IFT80: variants seen among roughly 807,000 people sequenced by gnomAD.
IFT80 encodes the protein intraflagellar transport protein 80 homolog.
IFT80 carries 79 observed loss-of-function variants against 107.9 expected under a neutral mutation model. The observed-to-expected ratio is 0.73, with a 90% CI of 0.61 to 0.88. IFT80 has a LOEUF of 0.88. IFT80 is among the 40% of genes least tolerant of loss of function. IFT80 has a pLI of 0.00. For synonymous variants in IFT80, 299 were observed against 300.9 expected (o/e 0.99, Z 0.07); for missense variants, 797 against 914.2 (o/e 0.87, Z 1.65).
At position 160,319,805 on chromosome 3, in the gene IFT80, C is replaced by T. The variant is rs199575501; in HGVS notation, c.912G>A (p.Glu304=). ...TTAATGTTACTTGAAAATTTTTCCACTCCCAATGTTGTTCCACCACATGTG... is the reference window on the plus strand; with the variant it reads ...TTAATGTTACTTGAAAATTTTTCCATTCCCAATGTTGTTCCACCACATGTG... ...VFAHVVEQHW[E]WKNFQVTLTK... The change falls in exon 9 of 20, where the codon GAG becomes GAA. Residue 304 remains glutamate, a synonymous_variant. Transcript: ENST00000326448. The T allele has an allele frequency of 1.3e-4, 217 of 1,612,944 alleles. No individual in the cohort carries two copies. Among genetic ancestry groups the T allele is most frequent in the Non-Finnish European group, 3.0e-5 (35 of 1,179,280 alleles).
intron 18 of IFT80, 125 bp from the exon 19 acceptor site, chr3:160,268,661 AT>A: frequency 1.1e-6 from 1 of 919,146 alleles, no homozygotes; most frequent in Non-Finnish European, 1.7e-6. Flanking sequence ...ATGAAATACC[AT>A]TTTCTACCTC....
At chr3:160,316,521 A>C (rs772266762) in intron 9 of IFT80, among the ~76,000 whole-genome samples, 11 of 152,334 alleles carry the variant, frequency 7.2e-5, no homozygotes, top group Admixed American at 1.3e-4. Context: ...AGCAATAAGT[A>C]ACTAACACAG....
At chr3:160,319,014 A>G (rs1718014199) in intron 9 of IFT80, among the ~76,000 whole-genome samples, 1 of 152,102 alleles carries the variant, frequency 6.6e-6, no homozygotes, top group Non-Finnish European at 1.5e-5. Flanking sequence ...CCCCCAGCTT[A>G]TTACCACTAG....
intron 8 of IFT80, among the ~76,000 whole-genome samples, chr3:160,351,615 T>C (rs1471613000): frequency 6.8e-6 from 1 of 147,354 alleles, no homozygotes; most frequent in Non-Finnish European, 1.5e-5. Context: ...TTGTATATAT[T>C]ATATATATAG....
At chr3:160,395,725 A>C (rs1164952891) in intron 1 of IFT80, among the ~76,000 whole-genome samples, 1 of 152,222 alleles carries the variant, frequency 6.6e-6, no homozygotes, top group Admixed American at 6.5e-5. Flanking sequence ...AATACTGCCA[A>C]CACAATGGAG....
intron 8 of IFT80, among the ~76,000 whole-genome samples, chr3:160,323,108 G>C (rs1261296235): frequency 1.3e-5 from 2 of 149,500 alleles, no homozygotes; most frequent in Non-Finnish European, 3.0e-5. Context: ...TGAAGTCCTT[G>C]CCCATGCCTA....
At position 160,277,577 on chromosome 3, in the gene IFT80, T is replaced by G. The variant is rs1393405553; in HGVS notation, c.1926+4A>C. 1 of 1,608,328 alleles carries G rather than the reference T, an allele frequency of 6.2e-7. No homozygotes were observed. Among genetic ancestry groups the G allele is most frequent in the South Asian group, 1.1e-5 (1 of 90,936 alleles). ...GTACATATATGTAAACATTAATTAC[T>G]TACTTCACCAATTGCTGCATAGGCT... On this transcript the variant is annotated splice_donor_region_variant and intron_variant, in intron 17 of 19. Transcript: ENST00000326448.
intron 9 of IFT80, among the ~76,000 whole-genome samples, chr3:160,310,883 C>T (rs1717190952): frequency 6.6e-6 from 1 of 152,120 alleles, no homozygotes; most frequent in Admixed American, 6.6e-5. Context: ...TGCCTTTATT[C>T]CCAGCACTTT....
At chr3:160,282,046 G>A (rs2108233742) in intron 14 of IFT80, among the ~76,000 whole-genome samples, 1 of 152,366 alleles carries the variant, frequency 6.6e-6, no homozygotes, top group East Asian at 1.9e-4. Flanking sequence ...AAGAGACTGA[G>A]GCAGGTGGAT....
In IFT80 at chr3:160,277,659, C is replaced by G; in HGVS notation, c.1848G>C (p.Met616Ile). 4 of 1,612,886 alleles carry G rather than the reference C, an allele frequency of 2.5e-6. No individual in the cohort carries two copies. Among genetic ancestry groups the G allele is most frequent in the Non-Finnish European group, 3.4e-6 (4 of 1,179,158 alleles). ...CTGCCATAGCAGCTAGACAAGCCCACATGGTTTGCTCCTAAAGTAAAGTAT... is the reference window on the plus strand; with the variant it reads ...CTGCCATAGCAGCTAGACAAGCCCAGATGGTTTGCTCCTAAAGTAAAGTAT... ...RLCRFVKEQT[M>I]WACLAAMAVA... The change falls in exon 17 of 20, where the codon ATG becomes ATC. Residue 616 changes from methionine to isoleucine, a missense_variant. Physicochemically the swap from Met to Ile is conservative, Grantham distance 10. Coordinates refer to ENST00000326448, the MANE Select transcript of IFT80 (RefSeq NM_020800.3).
chr3:160,319,622 G>T, intron 9 of IFT80, 138 bp downstream of exon 9: 1 of 757,920 alleles, frequency 1.3e-6, no homozygotes, highest in Non-Finnish European at 2.1e-6. Flanking sequence ...GTGACTAATG[G>T]AATAGTTAAA....
At chr3:160,366,392 T>A (rs1261361663) in intron 5 of IFT80, among the ~76,000 whole-genome samples, 1 of 152,066 alleles carries the variant, frequency 6.6e-6, no homozygotes, top group Non-Finnish European at 1.5e-5. Context: ...CTAATTAGGA[T>A]CTTGCTGAGA....
chr3:160,364,240 A>T (rs1411613695), intron 6 of IFT80, among the ~76,000 whole-genome samples: 3 of 152,242 alleles, frequency 2.0e-5, no homozygotes, highest in African/African-American at 7.2e-5. Flanking sequence ...CAGCCAACAG[A>T]TACATGAAAA....
At position 160,319,763 on chromosome 3, in the gene IFT80, C is replaced by T. The variant is rs957922344; in HGVS notation, c.954G>A (p.Met318Ile). ...FQVTLTKRRA[M>I]QVRNVLNDAV... ...CAACCTTGGAACATAATAATACCTG[C>T]ATGGCTCTTCTTTTCGTTAATGTTA... Residue 318 changes from methionine to isoleucine, a missense_variant, in exon 9 of 20, where the codon ATG becomes ATA. Physicochemically the swap from Met to Ile is conservative, Grantham distance 10 (BLOSUM62 1). Coordinates refer to ENST00000326448, the MANE Select transcript of IFT80 (RefSeq NM_020800.3). 8 of 1,612,256 alleles carry T rather than the reference C, an allele frequency of 5.0e-6. No individual in the cohort carries two copies. The highest frequency in any genetic ancestry group is 2.2e-5 in the East Asian group (1 of 44,860).
At chr3:160,386,135 T>C (rs1351564797) in intron 1 of IFT80, among the ~76,000 whole-genome samples, 2 of 152,142 alleles carry the variant, frequency 1.3e-5, no homozygotes, top group Non-Finnish European at 2.9e-5. Flanking sequence ...CACTAACAAT[T>C]CAGAAACATC....
intron 8 of IFT80, among the ~76,000 whole-genome samples, chr3:160,323,039 A>G (rs1419607161): frequency 6.6e-6 from 1 of 151,810 alleles, no homozygotes; most frequent in African/African-American, 2.4e-5. Flanking sequence ...TCTTTAGTTT[A>G]ATTAGATCCC....
intron 11 of IFT80, 109 bp from the exon 12 acceptor site, chr3:160,301,155 T>G: frequency 9.5e-7 from 1 of 1,047,714 alleles, no homozygotes; most frequent in South Asian, 1.7e-5. Flanking sequence ...ATCTTACAAT[T>G]AATGTAAATG....
intron 18 of IFT80, among the ~76,000 whole-genome samples, chr3:160,272,395 C>T (rs1050715492): frequency 6.6e-6 from 1 of 152,066 alleles, no homozygotes; most frequent in Non-Finnish European, 1.5e-5. Context: ...TGATTGGGGT[C>T]TGCTTTAAAA....
intron 3 of IFT80, 122 bp downstream of exon 3, chr3:160,381,381 A>G (rs551565591): frequency 2.6e-5 from 20 of 762,532 alleles, no homozygotes; most frequent in East Asian, 5.4e-5. Context: ...AAGAAATACA[A>G]TATGTGGATA....
Sources: gnomAD v4.1 joint callset for allele counts (sites outside exome capture counted in the v4.1 genomes callset) on GRCh38, gnomAD v4.1.1 for gene constraint, MANE v1.5 for transcripts, NCBI Gene and HGNC (gene_info 2026-07-23, HGNC 2026-07-21) for gene names.